Variants in CDH10 observed in about 807,000 individuals in gnomAD.
CDH10 encodes the protein cadherin-10.
Under a neutral mutation model 73.1 loss-of-function variants are expected in CDH10, and 30 were observed. The ratio of observed to expected loss-of-function variants is 0.41; its 90% CI spans 0.31 to 0.56. CDH10 has a LOEUF of 0.56. CDH10 is among the 20% of genes least tolerant of loss of function. CDH10 has a pLI of 0.27. For synonymous variants in CDH10, 345 were observed against 348.2 expected, an observed-to-expected ratio of 0.99 and a Z score of 0.10; for missense variants, 815 against 973.7, an observed-to-expected ratio of 0.84 and a Z score of 2.17.
chr5:24,533,239 A>C (rs1487390207), intron 5 of CDH10, among the ~76,000 whole-genome samples: 5 of 152,008 alleles, frequency 3.3e-5, no homozygotes, highest in Non-Finnish European at 7.4e-5. Context: ...AGGCAGGAGA[A>C]TCACTTGAAC....
intron 1 of CDH10, among the ~76,000 whole-genome samples, chr5:24,622,602 A>G (rs1747354619): frequency 6.6e-6 from 1 of 152,156 alleles, no homozygotes; most frequent in Non-Finnish European, 1.5e-5. Flanking sequence ...GGCAGTTAAA[A>G]TCTGCTAATA....
chr5:24,517,001 C>A (rs1307172224), intron 5 of CDH10, among the ~76,000 whole-genome samples: 1 of 151,848 alleles, frequency 6.6e-6, no homozygotes, highest in Non-Finnish European at 1.5e-5. Context: ...ATATAAAAAT[C>A]TAAATAACAG....
In CDH10 at chr5:24,487,944, A is replaced by C. The variant is rs2111606924; in HGVS notation, c.2086T>G (p.Phe696Val). The C allele has an allele frequency of 6.2e-7, 1 of 1,613,946 alleles. No individual in the cohort carries two copies. The highest frequency in any genetic ancestry group is 1.1e-5 in the South Asian group (1 of 91,068). Residue 696 changes from phenylalanine (F) to valine (V), a missense_variant, in exon 12 of 12, where the codon TTT (phenylalanine) becomes GTT (valine). By Grantham distance (50) the Phe-to-Val change is conservative. Around this residue, in one of 3 missense-constraint regions of CDH10, gnomAD observed 241 missense variants for 240.3 expected, o/e 1.00. Transcript: ENST00000264463. ...GCTGTAGGAGTCCTCCGAGGAATAA[A>C]TAACGTTTCTGGAATAATATCTCGC... The part of the protein sequence containing the change: ...LRRDIIPETL[F>V]IPRRTPTAPD...
rs1362189010 is a variant in CDH10, at chr5:24,537,688, A to C, written c.232-14T>G. 2 of 1,514,200 alleles carry C rather than the reference A, an allele frequency of 1.3e-6. No homozygotes were observed. The highest frequency in any genetic ancestry group is 3.6e-5 in the Admixed American group (2 of 55,078). The allele number at this position is 1,514,200 out of a possible 1,614,324, so 93.8% of individuals were successfully genotyped here. A position where few individuals can be genotyped will look rare whatever the true frequency, so the allele number is the denominator to read the frequency against. On this transcript the variant is annotated splice_polypyrimidine_tract_variant and intron_variant, in intron 2 of 11. Coordinates refer to ENST00000264463, the MANE Select transcript of CDH10 (RefSeq NM_006727.5). ...GTCTGAATGTAGCTAGGGGAAATAA[A>C]AAAGAGTATATCCATGATCATGTAT...
At chr5:24,537,336 A>T (rs1260690057) in intron 3 of CDH10, 44 bp downstream of exon 3, 2 of 1,363,436 alleles carry the variant, frequency 1.5e-6, no homozygotes, top group South Asian at 1.3e-5. Flanking sequence ...TTGATTTTTA[A>T]AACACTTTTT....
chr5:24,567,167 T>C (rs1410132709), intron 2 of CDH10, among the ~76,000 whole-genome samples: 1 of 152,088 alleles, frequency 6.6e-6, no homozygotes, highest in Non-Finnish European at 1.5e-5. Flanking sequence ...ATATACCTTT[T>C]AGAATGACTC....
chr5:24,506,853 T>C (rs1025588800), intron 7 of CDH10, among the ~76,000 whole-genome samples: 2 of 152,222 alleles, frequency 1.3e-5, no homozygotes, highest in African/African-American at 2.4e-5. Flanking sequence ...GCATCACTGA[T>C]TTTGCTAAAT....
At chr5:24,519,796 T>G (rs1743245810) in intron 5 of CDH10, among the ~76,000 whole-genome samples, 1 of 152,248 alleles carries the variant, frequency 6.6e-6, no homozygotes, top group Admixed American at 6.5e-5. Context: ...TTCCTAGAGC[T>G]GCTGTAACAA....
chr5:24,635,772 A>G (rs556839074), intron 1 of CDH10, among the ~76,000 whole-genome samples: 15 of 152,050 alleles, frequency 9.9e-5, no homozygotes, highest in Middle Eastern at 3.4e-3. Context: ...AGCCCTTTCC[A>G]ATTACAATCA....
chr5:24,511,621 C>T (rs1742914001), intron 5 of CDH10, 107 bp from the exon 6 acceptor site: 6 of 615,500 alleles, frequency 9.7e-6, no homozygotes, highest in African/African-American at 1.9e-5. Context: ...AAAAGCAAAA[C>T]ATGTAAGACG....
chr5:24,623,013 A>G (rs981361347), intron 1 of CDH10, among the ~76,000 whole-genome samples: 2 of 152,212 alleles, frequency 1.3e-5, no homozygotes, highest in Admixed American at 6.5e-5. Context: ...AGACAGCTTC[A>G]AAAAGTGTTG....
intron 2 of CDH10, chr5:24,554,322 T>C: frequency 6.6e-6 from 1 of 152,078 alleles, no homozygotes; most frequent in Non-Finnish European, 1.5e-5. Flanking sequence ...AATGGCTAAT[T>C]AGAAATGTAA....
At chr5:24,629,422 G>T (rs1326275196) in intron 1 of CDH10, among the ~76,000 whole-genome samples, 1 of 151,912 alleles carries the variant, frequency 6.6e-6, no homozygotes, top group Non-Finnish European at 1.5e-5. Context: ...TAAGTGAAAA[G>T]GATAACAAAG....
intron 2 of CDH10, among the ~76,000 whole-genome samples, chr5:24,571,654 C>T (rs77676624): frequency 0.022 from 3,293 of 152,136 alleles, 132 homozygotes; most frequent in African/African-American, 0.069. Context: ...AGAAAACCTA[C>T]ATAAGGTAGT....
chr5:24,606,636 A>C (rs1467451904), intron 1 of CDH10, among the ~76,000 whole-genome samples: 3 of 152,102 alleles, frequency 2.0e-5, no homozygotes, highest in South Asian at 2.1e-4. Flanking sequence ...AACAAACAAA[A>C]AAAAGATGGC....
chr5:24,530,098 G>A (rs1743680420), intron 5 of CDH10, among the ~76,000 whole-genome samples: 1 of 136,068 alleles, frequency 7.3e-6, no homozygotes, highest in Admixed American at 8.2e-5. Flanking sequence ...CTGCTTAAAT[G>A]CTTTTGCAAA....
intron 1 of CDH10, among the ~76,000 whole-genome samples, chr5:24,629,539 G>T (rs1747632038): frequency 6.6e-6 from 1 of 152,108 alleles, no homozygotes; most frequent in African/African-American, 2.4e-5. Context: ...GATAGAGTTT[G>T]GCTTTGTGTT....
chr5:24,565,710 C>T (rs2112005021), intron 2 of CDH10, among the ~76,000 whole-genome samples: 1 of 152,064 alleles, frequency 6.6e-6, no homozygotes, highest in East Asian at 1.9e-4. Context: ...AGATTAGTAT[C>T]TTTATAACAA....
chr5:24,603,377 G>T (rs79234447), intron 1 of CDH10, among the ~76,000 whole-genome samples: 11,531 of 152,140 alleles, frequency 0.076, 519 homozygotes, highest in Middle Eastern at 0.12. Flanking sequence ...ACAAAGAGGA[G>T]AATATCAACA....
Sources: gnomAD v4.1 joint callset for allele counts (sites outside exome capture counted in the v4.1 genomes callset) on GRCh38, gnomAD v4.1.1 for gene constraint, gnomAD v4.1.1 regional missense constraint, MANE v1.5 for transcripts, NCBI Gene and HGNC (gene_info 2026-07-23, HGNC 2026-07-21) for gene names.